Variants in SENP6 observed in about 807,000 individuals in gnomAD.
SENP6 encodes the protein sentrin-specific protease 6.
A neutral mutation model predicts 134.5 loss-of-function variants in SENP6; 41 were observed. The ratio of observed to expected loss-of-function variants is 0.30; its 90% confidence interval spans 0.24 to 0.40. The LOEUF (loss-of-function observed/expected upper bound fraction) is 0.40. SENP6 is among the 10% of genes least tolerant of loss of function. SENP6 has a pLI of 1.00. For missense variants in SENP6, 1,248 were observed against 1,312.5 expected (o/e 0.95, Z 0.76); for synonymous variants, 395 against 429.8 (o/e 0.92, Z 1.00).
intron 19 of SENP6, among the ~76,000 whole-genome samples, chr6:75,706,167 C>T (rs1014836002): frequency 6.7e-6 from 1 of 149,754 alleles, no homozygotes; most frequent in African/African-American, 2.4e-5. Flanking sequence ...AGTGGCTGCT[C>T]GGGGCTTTTG....
intron 1 of SENP6, among the ~76,000 whole-genome samples, 161 bp downstream of exon 1, chr6:75,602,737 T>G (rs921764327): frequency 3.3e-5 from 5 of 152,158 alleles, no homozygotes; most frequent in Non-Finnish European, 5.9e-5. Flanking sequence ...CGAGCGCACC[T>G]GGTTCGAGTC....
chr6:75,606,449 T>G (rs1767034334), intron 1 of SENP6, among the ~76,000 whole-genome samples: 1 of 152,210 alleles, frequency 6.6e-6, no homozygotes, highest in Non-Finnish European at 1.5e-5. Context: ...CAGATACTTA[T>G]TGAACACCTA....
intron 6 of SENP6, among the ~76,000 whole-genome samples, chr6:75,644,695 G>T (rs1334116321): frequency 1.3e-5 from 2 of 152,172 alleles, no homozygotes; most frequent in Admixed American, 1.3e-4. Context: ...ATGTTGGCCA[G>T]TCTGGCCGCG....
intron 14 of SENP6, 125 bp downstream of exon 14, chr6:75,677,381 C>T (rs1773163033): frequency 3.9e-6 from 3 of 765,490 alleles, no homozygotes; most frequent in Non-Finnish European, 6.0e-6. Flanking sequence ...GAATTACTTA[C>T]TTTTATGTGT....
chr6:75,634,861 A>G (rs1158854278), intron 5 of SENP6, 50 bp downstream of exon 5: 1 of 1,222,526 alleles, frequency 8.2e-7, no homozygotes, highest in East Asian at 2.3e-5. Context: ...ATCTTCTTCA[A>G]TAGGTTTTCA....
At chr6:75,710,611 C>G (rs1367414283) in intron 20 of SENP6, among the ~76,000 whole-genome samples, 1 of 152,160 alleles carries the variant, frequency 6.6e-6, no homozygotes, top group African/African-American at 2.4e-5. Context: ...ATAGGAATTA[C>G]ATTCATGATT....
chr6:75,705,925 C>CTTTT lies in SENP6; in HGVS notation c.2716+2879_2716+2882dup, dbSNP rs71544062. Reference sequence around the variant, plus strand: ...GTGAGTTAGAAAGCTATTTTTGAGCCTTTTTTTTTTTTTTTTTTTTTTTTT... The same window carrying CTTTT: ...GTGAGTTAGAAAGCTATTTTTGAGCCTTTTTTTTTTTTTTTTTTTTTTTTTTTTT... On this transcript the variant is annotated intron_variant, in intron 19 of 23. Transcript: ENST00000447266. Among the ~76,000 whole-genome samples the CTTTT allele has an allele frequency of 1.3e-4, 6 of 47,940 alleles. 1 individual carries two copies. The highest frequency in any genetic ancestry group is 5.0e-4 in the Admixed American group (2 of 4,004). 31.5% of individuals were successfully genotyped at this position (47,940 alleles called of 152,430 possible).
At chr6:75,602,951 A>C (rs1172013683) in intron 1 of SENP6, among the ~76,000 whole-genome samples, 1 of 152,152 alleles carries the variant, frequency 6.6e-6, no homozygotes, top group Non-Finnish European at 1.5e-5. Flanking sequence ...CAAATTGCTA[A>C]GGTTGGGTGC....
chr6:75,611,363 C>G (rs1339335577), intron 1 of SENP6: 1 of 152,236 alleles, frequency 6.6e-6, no homozygotes, highest in Non-Finnish European at 1.5e-5. Flanking sequence ...TGAAGCTGTT[C>G]ATCAGCTTCT....
chr6:75,628,788 C>T lies in SENP6; in HGVS notation c.208-4793C>T, dbSNP rs1434712175. ...AGGCTGGAGTGCAGTGGGGCAATCT[C>T]GGCTCACTGCAGCCTCTTCCTCCTA... is the stretch of plus-strand genomic sequence containing the variant. On this transcript the variant is annotated intron_variant, in intron 3 of 23. Coordinates refer to ENST00000447266, the MANE Select transcript of SENP6 (RefSeq NM_015571.4). Among the ~76,000 whole-genome samples the T allele has an allele frequency of 2.6e-5, 4 of 152,122 alleles. No homozygotes were observed. The East Asian group carries it at 5.8e-4, about 22-fold the overall frequency.
intron 17 of SENP6, 27 bp from the exon 18 acceptor site, chr6:75,697,398 A>C (rs754137156): frequency 1.3e-6 from 2 of 1,492,256 alleles, no homozygotes; most frequent in Admixed American, 3.6e-5. Flanking sequence ...ATATTTCAGA[A>C]GCTTATAATT....
At chr6:75,653,055 A>C (rs1313134934) in intron 7 of SENP6, among the ~76,000 whole-genome samples, 1 of 149,964 alleles carries the variant, frequency 6.7e-6, no homozygotes, top group Admixed American at 6.6e-5. Context: ...TTTTTGACGG[A>C]GTTTCGCTCT....
At chr6:75,652,601 C>T (rs962172882) in intron 7 of SENP6, among the ~76,000 whole-genome samples, 1 of 142,238 alleles carries the variant, frequency 7.0e-6, no homozygotes, top group Non-Finnish European at 1.5e-5. Flanking sequence ...CTTTGGGAGG[C>T]CGAGGCAGGT....
At chr6:75,679,700 A>G (rs993074729) in intron 16 of SENP6, 5 of 152,206 alleles carry the variant, frequency 3.3e-5, no homozygotes, top group South Asian at 2.1e-4. Flanking sequence ...CCTATGTGCA[A>G]TGTGTTTATA....
At chr6:75,693,829 T>A (rs1305577479) in intron 16 of SENP6, among the ~76,000 whole-genome samples, 1 of 152,216 alleles carries the variant, frequency 6.6e-6, no homozygotes, top group Non-Finnish European at 1.5e-5. Context: ...GCCATAAGCT[T>A]GAACTTGCAT....
intron 3 of SENP6, among the ~76,000 whole-genome samples, chr6:75,627,019 C>T (rs907824263): frequency 5.3e-5 from 8 of 151,910 alleles, no homozygotes; most frequent in Non-Finnish European, 8.8e-5. Flanking sequence ...GGTTGGAGTG[C>T]ATGGTGCGAT....
chr6:75,659,734 T>G (rs888904179), intron 8 of SENP6, among the ~76,000 whole-genome samples: 12 of 152,168 alleles, frequency 7.9e-5, no homozygotes. Context: ...TCTCCCAGAT[T>G]CCTTGTTGTT....
At position 75,713,807 on chromosome 6, in the gene SENP6, T is replaced by C. The variant is rs1363707485; in HGVS notation, c.3111T>C (p.Tyr1037=). ...FSDCGVYVLQ[Y]VESFFENPIL... is the part of the protein sequence containing the mutation. ...ACTGTGGTGTATATGTATTGCAGTA[T>C]GTAGAGAGCTTTTTTGAGGTGGGTT... The change falls in exon 23 of 24, where the codon TAT becomes TAC. Residue 1037 remains tyrosine, a synonymous_variant. Transcript: ENST00000447266. The C allele has an allele frequency of 1.3e-6, 2 of 1,586,354 alleles. No individual in the cohort carries two copies.
chr6:75,608,812 T>A (rs1408717227), intron 1 of SENP6, among the ~76,000 whole-genome samples: 4 of 152,250 alleles, frequency 2.6e-5, no homozygotes, highest in East Asian at 1.9e-4. Context: ...TCCAGGCATA[T>A]AATAAGCACT....
Sources: allele counts gnomAD v4.1 joint callset (sites outside exome capture counted in the v4.1 genomes callset), GRCh38; gene constraint gnomAD v4.1.1; transcripts MANE v1.5; gene names NCBI Gene and HGNC (gene_info 2026-07-23, HGNC 2026-07-21).